The following CNTN3 variants were observed in gnomAD, a reference collection of about 807,000 sequenced individuals.
CNTN3 encodes the protein contactin 3.
A neutral mutation model predicts 119.1 loss-of-function variants in CNTN3; 60 were observed. That is an observed-to-expected ratio of 0.50 (90% CI 0.41 to 0.62). The LOEUF is 0.62. Ranked by LOEUF, CNTN3 falls within the 20% of genes least tolerant of loss-of-function variation. The probability of loss-of-function intolerance (pLI) is 0.00; values close to 1 mark genes in which losing one functional copy is unlikely to be tolerated. For missense variants in CNTN3, 1,101 were observed against 1,242.4 expected (o/e 0.89, Z 1.71); for synonymous variants, 450 against 438.7 (o/e 1.03, Z -0.32).
chr3:74,487,729 A>G (rs1265128759), intron 3 of CNTN3, among the ~76,000 whole-genome samples: 1 of 152,110 alleles, frequency 6.6e-6, no homozygotes, highest in Non-Finnish European at 1.5e-5. Flanking sequence ...ATGTTGAGAA[A>G]ACATATAAAG....
At chr3:74,406,123 A>T in intron 5 of CNTN3, among the ~76,000 whole-genome samples, 1 of 152,162 alleles carries the variant, frequency 6.6e-6, no homozygotes, top group East Asian at 1.9e-4. Context: ...ATAGCAAATC[A>T]AAATAAAATC....
chr3:74,585,942 G>A (rs1356737406), intron 1 of CNTN3, among the ~76,000 whole-genome samples: 2 of 152,052 alleles, frequency 1.3e-5, no homozygotes, highest in South Asian at 2.1e-4. Flanking sequence ...GGCACAGTAC[G>A]AAATTCTTTT....
chr3:74,554,319 A>C (rs1301839042), intron 1 of CNTN3, among the ~76,000 whole-genome samples: 2 of 152,128 alleles, frequency 1.3e-5, no homozygotes, highest in African/African-American at 4.8e-5. Flanking sequence ...TGGTTACTGT[A>C]GCTTTGTAGT....
intron 4 of CNTN3, among the ~76,000 whole-genome samples, chr3:74,456,277 T>C (rs1329767956): frequency 6.6e-6 from 1 of 152,084 alleles, no homozygotes; most frequent in Non-Finnish European, 1.5e-5. Context: ...AGAATATTCA[T>C]GTTTAGTTAG....
chr3:74,405,003 A>C (rs1705290006), intron 5 of CNTN3, among the ~76,000 whole-genome samples: 1 of 152,060 alleles, frequency 6.6e-6, no homozygotes, highest in Admixed American at 6.5e-5. Context: ...AAGAAAGAAG[A>C]AAAGAAGAAA....
chr3:74,308,289 A>G (rs1702604597), intron 13 of CNTN3, among the ~76,000 whole-genome samples: 1 of 152,218 alleles, frequency 6.6e-6, no homozygotes, highest in Non-Finnish European at 1.5e-5. Context: ...CATTGTAAAC[A>G]GTTTTAATTT....
intron 5 of CNTN3, among the ~76,000 whole-genome samples, chr3:74,409,281 C>T (rs1575697628): frequency 6.6e-6 from 1 of 152,220 alleles, no homozygotes; most frequent in Non-Finnish European, 1.5e-5. Flanking sequence ...GAATCTCCCA[C>T]TGAATCATAT....
At chr3:74,275,264 A>G (rs755919035) in intron 20 of CNTN3, among the ~76,000 whole-genome samples, 1 of 152,224 alleles carries the variant, frequency 6.6e-6, no homozygotes, top group African/African-American at 2.4e-5. Context: ...GCCTTGCAAG[A>G]GACCTAGATA....
intron 1 of CNTN3, among the ~76,000 whole-genome samples, chr3:74,602,825 C>T (rs1704933407): frequency 6.6e-6 from 1 of 152,096 alleles, no homozygotes; most frequent in Non-Finnish European, 1.5e-5. Flanking sequence ...ACCAGTCGTA[C>T]CAAAGTTTTG....
chr3:74,502,874 T>TG (rs1236304700), intron 2 of CNTN3, among the ~76,000 whole-genome samples: 1 of 152,196 alleles, frequency 6.6e-6, no homozygotes, highest in Non-Finnish European at 1.5e-5. Context: ...ACTACGCATG[T>TG]TTATGCATGT....
chr3:74,371,027 G>A (rs1263197153), intron 6 of CNTN3, among the ~76,000 whole-genome samples, 169 bp downstream of exon 6: 1 of 152,072 alleles, frequency 6.6e-6, no homozygotes, highest in Non-Finnish European at 1.5e-5. Flanking sequence ...TATGCATAAG[G>A]ACTATGAGTT....
At chr3:74,534,748 T>TA (rs1703739685) in intron 1 of CNTN3, among the ~76,000 whole-genome samples, 1 of 152,022 alleles carries the variant, frequency 6.6e-6, no homozygotes, top group Non-Finnish European at 1.5e-5. Flanking sequence ...CAGAATGACT[T>TA]ACAGTTAAGT....
At chr3:74,498,742 T>C (rs771080427) in intron 3 of CNTN3, among the ~76,000 whole-genome samples, 1 of 151,864 alleles carries the variant, frequency 6.6e-6, no homozygotes, top group African/African-American at 2.4e-5. Context: ...GAAGTTTGCT[T>C]GTTCTGCAGA....
intron 5 of CNTN3, among the ~76,000 whole-genome samples, chr3:74,424,474 C>G (rs199787218): frequency 3.5e-5 from 5 of 142,442 alleles, no homozygotes; most frequent in East Asian, 2.1e-4. Flanking sequence ...GTGTGTGTGA[C>G]AGAGAGAGAG....
At chr3:74,561,284 G>A (rs556845481) in intron 1 of CNTN3, among the ~76,000 whole-genome samples, 159 of 151,700 alleles carry the variant, frequency 1.0e-3, no homozygotes, top group Non-Finnish European at 2.1e-3. Flanking sequence ...CCTCCCAGCA[G>A]CCAATGTTCA....
At chr3:74,427,136 C>T (rs917508954) in intron 4 of CNTN3, among the ~76,000 whole-genome samples, 1 of 152,162 alleles carries the variant, frequency 6.6e-6, no homozygotes, top group Non-Finnish European at 1.5e-5. Flanking sequence ...CTGCAGTGCA[C>T]GAGTGCAAGG....
At chr3:74,347,442 T>C (rs1219400415) in intron 11 of CNTN3, among the ~76,000 whole-genome samples, 2 of 152,192 alleles carry the variant, frequency 1.3e-5, no homozygotes, top group Non-Finnish European at 2.9e-5. Flanking sequence ...AGCCTCCCTC[T>C]GTTGCCCAAG....
chr3:74,365,207 T>C (rs569273715), intron 9 of CNTN3, among the ~76,000 whole-genome samples: 3 of 152,196 alleles, frequency 2.0e-5, no homozygotes, highest in East Asian at 1.9e-4. Context: ...GATACATTCA[T>C]TCCCCAGAGG....
Position 74,351,396 on chromosome 3 carries a change from A to T in CNTN3, c.1364+10494T>A, listed in dbSNP as rs562368485. On this transcript the variant is annotated intron_variant, in intron 11 of 22. Coordinates refer to ENST00000263665, the MANE Select transcript of CNTN3 (RefSeq NM_020872.3). ...CACACAAATGCCACCCACGAGGCTG[A>T]CTAACTCTGTTTAAGGATTCCTGGC... Among the ~76,000 whole-genome samples, 97 of 152,262 alleles carry T rather than the reference A, an allele frequency of 6.4e-4. 1 individual carries two copies. In the South Asian group the frequency reaches 0.011, roughly 17 times the overall value.
Sources: gnomAD v4.1 joint callset for allele counts (sites outside exome capture counted in the v4.1 genomes callset) on GRCh38, gnomAD v4.1.1 for gene constraint, MANE v1.5 for transcripts, NCBI Gene and HGNC (gene_info 2026-07-23, HGNC 2026-07-21) for gene names.